Variants in ACER3 observed in about 807,000 individuals in gnomAD.
The protein encoded by ACER3 is alkaline ceramidase 3, also known as alkCDase 3.
A neutral mutation model predicts 48.9 loss-of-function variants in ACER3; 16 were observed. That is an observed-to-expected ratio of 0.33 (90% CI 0.22 to 0.50). ACER3 has a LOEUF of 0.50. Ranked by LOEUF, ACER3 falls within the 20% of genes least tolerant of loss-of-function variation. The probability of loss-of-function intolerance (pLI) is 0.98; values close to 1 mark genes in which losing one functional copy is unlikely to be tolerated. For synonymous variants in ACER3, 109 were observed against 107.8 expected (o/e 1.01, Z -0.07); for missense variants, 227 against 326.0 (o/e 0.70, Z 2.34).
At chr11:76,965,816 C>T (rs1389413037) in intron 3 of ACER3, among the ~76,000 whole-genome samples, 1 of 151,238 alleles carries the variant, frequency 6.6e-6, no homozygotes, top group Non-Finnish European at 1.5e-5. Flanking sequence ...AAGCACTAAA[C>T]ATGGAAAGGA....
At position 76,998,816 on chromosome 11, in the gene ACER3, T is replaced by G; in HGVS notation, c.492T>G (p.Val164=). 6.3e-7 allele frequency: 1 copy of G among 1,593,306 alleles called. No individual in the cohort carries two copies. The highest frequency in any genetic ancestry group is 8.5e-7 in the Non-Finnish European group (1 of 1,171,768). Residue 164 remains valine (V), a synonymous_variant, in exon 7 of 11, where the codon GTT becomes GTG. Transcript: ENST00000532485. ...TAGTACTTCGATCTATTTATATTGT[T>G]ACATGGTAAGTAGTTTGGATCATCT... ...FTLVLRSIYI[V]TWVYPWLRGL...
At chr11:76,940,578 A>G (rs1219059895) in intron 2 of ACER3, among the ~76,000 whole-genome samples, 2 of 152,212 alleles carry the variant, frequency 1.3e-5, no homozygotes, top group Non-Finnish European at 2.9e-5. Flanking sequence ...TGGAATAAGT[A>G]AAGCTAGGAA....
At chr11:76,992,772 C>A (rs971746131) in intron 6 of ACER3, among the ~76,000 whole-genome samples, 9 of 152,132 alleles carry the variant, frequency 5.9e-5, no homozygotes, top group African/African-American at 2.2e-4. Flanking sequence ...GTCAAGCAGA[C>A]CTGGATTTAA....
At chr11:76,880,980 G>A (rs1285666240) in intron 1 of ACER3, among the ~76,000 whole-genome samples, 1 of 152,088 alleles carries the variant, frequency 6.6e-6, no homozygotes, top group Admixed American at 6.6e-5. Flanking sequence ...CCAGGGTGGG[G>A]TATGGTGGCT....
chr11:77,014,141 T>C (rs1457753520), intron 7 of ACER3, among the ~76,000 whole-genome samples: 3 of 152,242 alleles, frequency 2.0e-5, no homozygotes, highest in Admixed American at 6.5e-5. Flanking sequence ...TTATACCTCA[T>C]TGAAGCTATA....
chr11:76,952,982 T>C (rs1947725737), intron 2 of ACER3, among the ~76,000 whole-genome samples: 1 of 152,032 alleles, frequency 6.6e-6, no homozygotes. Context: ...TTGCATAAGA[T>C]TCCAATAAAC....
At chr11:77,002,154 T>C (rs1384092128) in intron 7 of ACER3, among the ~76,000 whole-genome samples, 1 of 73,216 alleles carries the variant, frequency 1.4e-5, no homozygotes, top group Non-Finnish European at 3.6e-5. Flanking sequence ...TTAAAGAACC[T>C]ATCTCTAAAA....
chr11:76,997,739 G>A (rs536872705), intron 6 of ACER3, among the ~76,000 whole-genome samples: 116 of 152,278 alleles, frequency 7.6e-4, no homozygotes, highest in African/African-American at 2.5e-3. Context: ...TTGAGAGGCT[G>A]AGGCAAGAGG....
At chr11:76,923,149 T>TAAA (rs35125945) in intron 1 of ACER3, among the ~76,000 whole-genome samples, 3 of 148,120 alleles carry the variant, frequency 2.0e-5, no homozygotes, top group Non-Finnish European at 1.5e-5. Context: ...GAAGCAAAAT[T>TAAA]AAAAAAAAAA....
intron 1 of ACER3, among the ~76,000 whole-genome samples, chr11:76,919,595 A>G (rs1028721267): frequency 1.3e-5 from 2 of 152,212 alleles, no homozygotes; most frequent in African/African-American, 2.4e-5. Flanking sequence ...ATTTTAGTAC[A>G]CTATTGTGTG....
rs141461479 is a variant in ACER3 at position 76,984,739 on chromosome 11, C to T, written c.321-904C>T. On this transcript the variant is annotated intron_variant, in intron 4 of 10. Transcript: ENST00000532485. ...GGGAAGAGACAATTATAATAGACTA[C>T]TATTTTCTCCAATAATATTCCTTAG... 6.2e-4 allele frequency among the ~76,000 whole-genome samples: 94 copies of T among 152,300 alleles called. No individual in the cohort carries two copies. In the Middle Eastern group the frequency reaches 0.014, roughly 22 times the overall value.
chr11:76,959,642 T>A (rs994222712), intron 3 of ACER3, among the ~76,000 whole-genome samples: 1 of 152,072 alleles, frequency 6.6e-6, no homozygotes, highest in African/African-American at 2.4e-5. Context: ...AACCTCTGCC[T>A]CCCAGGTTCA....
intron 3 of ACER3, among the ~76,000 whole-genome samples, chr11:76,970,001 G>A (rs1167286214): frequency 6.6e-6 from 1 of 151,652 alleles, no homozygotes; most frequent in African/African-American, 2.4e-5. Context: ...TAGTGTGCAG[G>A]GTGTAACTTA....
At chr11:77,009,882 G>A (rs1405416064) in intron 7 of ACER3, among the ~76,000 whole-genome samples, 1 of 152,000 alleles carries the variant, frequency 6.6e-6, no homozygotes, top group African/African-American at 2.4e-5. Context: ...TGAAACCAGA[G>A]CCTTAGGTTT....
chr11:76,861,001 G>A lies in ACER3; in HGVS notation c.25G>A (p.Gly9Ser). 1 of 1,545,416 alleles carries A rather than the reference G, an allele frequency of 6.5e-7. No individual in the cohort carries two copies. The highest frequency in any genetic ancestry group is 8.7e-7 in the Non-Finnish European group (1 of 1,145,594). MAPAADREGYWGPTTSTLD... is the reference protein window; with the variant it reads MAPAADRESYWGPTTSTLD... ...GATGGCTCCGGCCGCGGACCGAGAG[G>A]GCTACTGGGGCCCCACGACCTCCAC... Residue 9 changes from glycine to serine, a missense_variant, in exon 1 of 11, where the codon GGC (glycine) becomes AGC (serine). Around this residue, in one of 3 missense-constraint regions of ACER3, gnomAD observed 27 missense variants for 18.1 expected, o/e 1.49. Transcript: ENST00000532485.
chr11:76,939,620 G>C (rs781645964), intron 2 of ACER3, among the ~76,000 whole-genome samples: 60 of 151,850 alleles, frequency 4.0e-4, no homozygotes, highest in Non-Finnish European at 7.5e-4. Context: ...CAAAAACAAA[G>C]GTACAAACTG....
intron 7 of ACER3, among the ~76,000 whole-genome samples, chr11:77,010,130 A>G (rs1279867987): frequency 1.3e-5 from 2 of 151,342 alleles, no homozygotes; most frequent in Admixed American, 6.6e-5. Flanking sequence ...ATTTGTAAAG[A>G]AATGTATTCT....
chr11:76,873,517 G>A (rs1386057305), intron 1 of ACER3, among the ~76,000 whole-genome samples: 1 of 152,132 alleles, frequency 6.6e-6, no homozygotes, highest in Non-Finnish European at 1.5e-5. Context: ...AATGAGTTAA[G>A]TTGAACTTTT....
rs1173513344 is a variant in ACER3, at chr11:76,966,017, T to C, written c.267+6986T>C. Among the ~76,000 whole-genome samples, 19 of 150,980 alleles carry C rather than the reference T, an allele frequency of 1.3e-4. 1 individual carries two copies. The highest frequency in any genetic ancestry group is 4.4e-4 in the African/African-American group (18 of 40,504). On this transcript the variant is annotated intron_variant, in intron 3 of 10. Coordinates refer to ENST00000532485, the MANE Select transcript of ACER3 (RefSeq NM_018367.7). ...CAATTAAAAGACACAGGCTGGCAAA[T>C]TGGATAAAGAGTCAAGACCCATCAG...
Sources: gnomAD v4.1 joint callset for allele counts (sites outside exome capture counted in the v4.1 genomes callset) on GRCh38, gnomAD v4.1.1 for gene constraint, gnomAD v4.1.1 regional missense constraint, MANE v1.5 for transcripts, NCBI Gene and HGNC (gene_info 2026-07-23, HGNC 2026-07-21) for gene names.